C17orf78: variants seen among roughly 807,000 people sequenced by gnomAD.
The protein encoded by C17orf78 is chromosome 17 open reading frame 78.
A neutral mutation model predicts 31.8 loss-of-function variants in C17orf78; 27 were observed. That is an observed-to-expected ratio of 0.85 (90% CI 0.63 to 1.17). C17orf78 has a LOEUF of 1.17. C17orf78 is among the 50% of genes most tolerant of loss of function. The pLI is 0.00. For missense variants in C17orf78, 258 were observed against 315.2 expected (o/e 0.82, Z 1.37); for synonymous variants, 106 against 115.1 (o/e 0.92, Z 0.51).
chr17:37,381,740 G>T (rs1233266245), intron 3 of C17orf78, among the ~76,000 whole-genome samples: 15 of 148,728 alleles, frequency 1.0e-4, no homozygotes, highest in Non-Finnish European at 8.9e-5. Context: ...CCATTCTCCT[G>T]CCTCAGCCTC....
intron 2 of C17orf78, 55 bp downstream of exon 2, chr17:37,378,020 C>A: frequency 6.7e-7 from 1 of 1,492,684 alleles, no homozygotes; most frequent in African/African-American, 1.4e-5. Flanking sequence ...AAATTTTTAC[C>A]TTTAAAAGAT....
intron 3 of C17orf78, among the ~76,000 whole-genome samples, chr17:37,383,246 A>G (rs2050382539): frequency 6.6e-6 from 1 of 152,130 alleles, no homozygotes. Flanking sequence ...ACTTGGGGCA[A>G]TTAAGGACAT....
At position 37,391,811 on chromosome 17, in the gene C17orf78, G is replaced by GTA; in HGVS notation, c.*89_*90dup. The stretch of plus-strand genomic sequence containing the variant: ...GCACATTCTTGCCAATTTCACACTT[G>GTA]TATCTTCAGCAGGGACATTACAATC... On this transcript the variant is annotated 3_prime_UTR_variant, in exon 7 of 7. Transcript: ENST00000615133. 8.5e-7 allele frequency: 1 copy of GTA among 1,172,228 alleles called. No individual in the cohort carries two copies. The highest frequency in any genetic ancestry group is 1.3e-6 in the Non-Finnish European group (1 of 787,782). The allele number at this position is 1,172,228 out of a possible 1,614,324, so 72.6% of individuals were successfully genotyped here.
At chr17:37,381,618 T>C in intron 3 of C17orf78, among the ~76,000 whole-genome samples, 1 of 150,768 alleles carries the variant, frequency 6.6e-6, no homozygotes, top group Middle Eastern at 3.4e-3. Flanking sequence ...GTATGTCTCT[T>C]CCATAGTCTT....
At chr17:37,379,582 C>T (rs567634248) in intron 3 of C17orf78, among the ~76,000 whole-genome samples, 200 bp downstream of exon 3, 32 of 152,048 alleles carry the variant, frequency 2.1e-4, no homozygotes, top group African/African-American at 5.8e-4. Context: ...GAGTAGGTTG[C>T]GAAAATTTTC....
chr17:37,384,568 A>G (rs934973825), intron 3 of C17orf78, among the ~76,000 whole-genome samples: 5 of 152,354 alleles, frequency 3.3e-5, no homozygotes, highest in African/African-American at 1.2e-4. Flanking sequence ...AGATTAAAAA[A>G]AAAAACACAG....
intron 3 of C17orf78, among the ~76,000 whole-genome samples, chr17:37,385,330 G>A (rs780794071): frequency 5.3e-5 from 8 of 152,082 alleles, no homozygotes; most frequent in Non-Finnish European, 8.8e-5. Context: ...AAAATTAGCC[G>A]GGTGCGATGG....
At chr17:37,390,907 T>C (rs1414511890) in intron 6 of C17orf78, among the ~76,000 whole-genome samples, 4 of 152,088 alleles carry the variant, frequency 2.6e-5, no homozygotes, top group Admixed American at 2.0e-4. Flanking sequence ...GCAACTGTGA[T>C]TGAACTTCTA....
Position 37,377,914 on chromosome 17 carries a change from C to T in C17orf78, c.94C>T (p.Pro32Ser). ...RDSSCRLEQLPGIFPKDVRSI... is the reference protein window; with the variant it reads ...RDSSCRLEQLSGIFPKDVRSI... Reference sequence around the variant, plus strand: ...TAGCAGTTGCCGACTGGAACAGCTGCCTGGGATCTTCCCAAAAGACGTGAG... The same window carrying T: ...TAGCAGTTGCCGACTGGAACAGCTGTCTGGGATCTTCCCAAAAGACGTGAG... Residue 32 changes from proline (P) to serine (S), a missense_variant, in exon 2 of 7, where the codon CCT (proline) becomes TCT (serine). Pro to Ser is a moderately conservative substitution (Grantham distance 74). Transcript: ENST00000615133. The T allele has an allele frequency of 6.2e-7, 1 of 1,613,648 alleles. No individual in the cohort carries two copies. Among genetic ancestry groups the T allele is most frequent in the Non-Finnish European group, 8.5e-7 (1 of 1,179,814 alleles).
rs146949701 is a variant in C17orf78, at chr17:37,381,656, C to A, written c.391+2274C>A. Among the ~76,000 whole-genome samples, 1,276 of 128,108 alleles carry A rather than the reference C, an allele frequency of 1.0e-2. 14 individuals carry two copies. The highest frequency in any genetic ancestry group is 0.014 in the Non-Finnish European group (900 of 63,968). The allele number at this position is 128,108 out of a possible 152,430, so 84.0% of individuals were successfully genotyped here. On this transcript the variant is annotated intron_variant, in intron 3 of 6. Transcript: ENST00000615133. ...TTTTTTTTTTTTTTTGAGACAGAGT[C>A]TCGCTCCGTTGCCCAGGCTGGAGTG... is the stretch of plus-strand genomic sequence containing the variant.
chr17:37,384,522 G>A (rs753935475), intron 3 of C17orf78, among the ~76,000 whole-genome samples: 1 of 151,746 alleles, frequency 6.6e-6, no homozygotes, highest in Non-Finnish European at 1.5e-5. Flanking sequence ...CTGTGAAATA[G>A]GTAGAGCAAG....
intron 3 of C17orf78, 141 bp from the exon 4 acceptor site, chr17:37,385,868 A>G (rs960534534): frequency 1.2e-4 from 63 of 545,308 alleles, no homozygotes; most frequent in Middle Eastern, 9.2e-4. Flanking sequence ...TTTTGTGCTC[A>G]CACCCTAAAC....
chr17:37,391,815 C>G lies in C17orf78; in HGVS notation c.*91C>G. 8.8e-7 allele frequency: 1 copy of G among 1,133,530 alleles called. No homozygotes were observed. Among genetic ancestry groups the G allele is most frequent in the Non-Finnish European group, 1.3e-6 (1 of 753,580 alleles). 70.2% of individuals were successfully genotyped at this position (1,133,530 alleles called of 1,614,324 possible). On this transcript the variant is annotated 3_prime_UTR_variant, in exon 7 of 7. Coordinates refer to ENST00000615133, the MANE Select transcript of C17orf78 (RefSeq NM_173625.5). ...ATTCTTGCCAATTTCACACTTGTAT[C>G]TTCAGCAGGGACATTACAATCAAAC...
rs925645586 is a variant in C17orf78, at chr17:37,392,604, A to G, written c.*880A>G. The stretch of plus-strand genomic sequence containing the variant: ...TTTCCTAAGAGTCTGAAACCATTCC[A>G]TTTCATTTTGGTGAAATGTGTCTGT... On this transcript the variant is annotated 3_prime_UTR_variant, in exon 7 of 7. Coordinates refer to ENST00000615133, the MANE Select transcript of C17orf78 (RefSeq NM_173625.5). 6.6e-6 allele frequency: 1 copy of G among 152,034 alleles called. No homozygotes were observed. The highest frequency in any genetic ancestry group is 1.5e-5 in the Non-Finnish European group (1 of 68,018). 9.4% of individuals were successfully genotyped at this position (152,034 alleles called of 1,614,324 possible).
intron 4 of C17orf78, chr17:37,387,891 G>A (rs1168606015): frequency 6.6e-6 from 1 of 152,158 alleles, no homozygotes; most frequent in African/African-American, 2.4e-5. Context: ...GGCCAGGTGA[G>A]TTGGCTCACA....
At chr17:37,384,442 T>C (rs1016175254) in intron 3 of C17orf78, among the ~76,000 whole-genome samples, 1 of 152,128 alleles carries the variant, frequency 6.6e-6, no homozygotes, top group Admixed American at 6.5e-5. Flanking sequence ...AATCATAATA[T>C]CATTCAGTTT....
At chr17:37,384,046 A>G (rs1273962213) in intron 3 of C17orf78, among the ~76,000 whole-genome samples, 3 of 152,112 alleles carry the variant, frequency 2.0e-5, no homozygotes, top group East Asian at 3.9e-4. Flanking sequence ...CGGGCAGAAC[A>G]TGAGGTCAGG....
At chr17:37,380,524 C>T (rs2050201039) in intron 3 of C17orf78, among the ~76,000 whole-genome samples, 1 of 152,070 alleles carries the variant, frequency 6.6e-6, no homozygotes, top group African/African-American at 2.4e-5. Flanking sequence ...CCCTTCTAGC[C>T]CTGATACTCT....
chr17:37,390,308 A>ATATATATATAT (rs1568096004), intron 6 of C17orf78, among the ~76,000 whole-genome samples: 8 of 45,462 alleles, frequency 1.8e-4, no homozygotes, highest in Non-Finnish European at 2.6e-4. Context: ...ACATAATTAT[A>ATATATATATAT]TATATATATA....
Sources: gnomAD v4.1 joint callset for allele counts (sites outside exome capture counted in the v4.1 genomes callset) on GRCh38, gnomAD v4.1.1 for gene constraint, MANE v1.5 for transcripts, NCBI Gene and HGNC (gene_info 2026-07-23, HGNC 2026-07-21) for gene names.